Variants in ZFX observed in about 807,000 individuals in gnomAD.
ZFX encodes zinc finger X-chromosomal protein.
For missense variants in ZFX, 362 were observed against 628.3 expected, an observed-to-expected ratio of 0.58 and a Z score of 4.53; for synonymous variants, 196 against 226.8, an observed-to-expected ratio of 0.86 and a Z score of 1.22.
At position 24,189,182 on chromosome X, in the gene ZFX, A is replaced by G. The variant is rs773109667; in HGVS notation, c.646+9412A>G. Reference sequence around the variant, plus strand: ...AGAATTTAGCAGAAACTGATTCATGACATATGTAGGAAGTAGAATTTGGAT... The same window carrying G: ...AGAATTTAGCAGAAACTGATTCATGGCATATGTAGGAAGTAGAATTTGGAT... On this transcript the variant is annotated intron_variant, in intron 5 of 9. Coordinates refer to ENST00000304543, the MANE Select transcript of ZFX (RefSeq NM_003410.4). Among the ~76,000 whole-genome samples, 190 of 112,111 alleles carry G rather than the reference A, an allele frequency of 1.7e-3. 1 individual carries two copies. Among genetic ancestry groups the G allele is most frequent in the Non-Finnish European group, 2.9e-3 (156 of 53,219 alleles).
chrX:24,179,192 G>T lies in ZFX; in HGVS notation c.68G>T (p.Gly23Val), dbSNP rs1361095106. The T allele has an allele frequency of 2.5e-6, 3 of 1,206,864 alleles. No individual in the cohort carries two copies. Among genetic ancestry groups the T allele is most frequent in the Non-Finnish European group, 3.4e-6 (3 of 893,260 alleles). ...NSFFDATGAD[G>V]THMDGDQIVV... ...TAATTTTTTTTTTAAGGAGCTGATG[G>T]TACACACATGGATGGTGATCAAATT... The change falls in exon 5 of 10, where the codon GGT (glycine) becomes GTT (valine). Residue 23 changes from glycine to valine, a missense_variant. By Grantham distance (109) the Gly-to-Val change is moderately radical (BLOSUM62 -3). Transcript: ENST00000304543.
At position 24,160,166 on chromosome X, in the gene ZFX, C is replaced by A. The variant is rs746932688; in HGVS notation, c.-29+7336C>A. On this transcript the variant is annotated intron_variant, in intron 3 of 9. Coordinates refer to ENST00000304543, the MANE Select transcript of ZFX (RefSeq NM_003410.4). ...ATTTTCCTTCTGCTTTATTTGCATT[C>A]ATTCTGACATTTAAAAATGTAAGTT... Among the ~76,000 whole-genome samples, 63 of 109,960 alleles carry A rather than the reference C, an allele frequency of 5.7e-4. No homozygotes were observed. The South Asian group carries it at 0.023, about 40-fold the overall frequency.
At chrX:24,195,544 C>T (rs1255521284) in intron 5 of ZFX, among the ~76,000 whole-genome samples, 11 of 110,831 alleles carry the variant, frequency 9.9e-5, no homozygotes, top group East Asian at 5.7e-4. Context: ...TTAGTAGAGA[C>T]GGGGTTTCAC....
At chrX:24,183,420 A>G (rs187157680) in intron 5 of ZFX, among the ~76,000 whole-genome samples, 1,713 of 111,676 alleles carry the variant, frequency 0.015, 16 homozygotes, top group Middle Eastern at 0.028. Context: ...TCCTGACCTC[A>G]GGTGATCCCA....
chrX:24,195,597 C>T (rs1291811888), intron 5 of ZFX, among the ~76,000 whole-genome samples: 1 of 111,267 alleles, frequency 9.0e-6, no homozygotes, highest in Non-Finnish European at 1.9e-5. Context: ...CCTCATGATC[C>T]GCCCGCCTCG....
intron 5 of ZFX, among the ~76,000 whole-genome samples, chrX:24,198,730 C>T (rs1198347402): frequency 1.8e-5 from 2 of 110,532 alleles, no homozygotes; most frequent in South Asian, 3.8e-4. Context: ...TAAGGTGATA[C>T]GTACTTAGGG....
At chrX:24,194,309 G>A (rs751619911) in intron 5 of ZFX, among the ~76,000 whole-genome samples, 1 of 111,560 alleles carries the variant, frequency 9.0e-6, no homozygotes, top group Non-Finnish European at 1.9e-5. Flanking sequence ...GCAGGTCCTG[G>A]AATAACACGT....
Position 24,179,401 on chromosome X carries a change from A to G in ZFX, c.277A>G (p.Ile93Val), listed in dbSNP as rs1327743040. Residue 93 changes from isoleucine to valine, a missense_variant, in exon 5 of 10, where the codon ATT (isoleucine) becomes GTT (valine). Transcript: ENST00000304543. The part of the protein sequence containing the change: ...EEADVSETVI[I>V]PEQVLDSDVT... ...AGCAGATGTGTCTGAAACGGTCATC[A>G]TTCCTGAGCAAGTGCTGGACTCAGA... The G allele has an allele frequency of 2.5e-6, 3 of 1,212,395 alleles. No individual in the cohort carries two copies. Among genetic ancestry groups the G allele is most frequent in the Admixed American group, 2.2e-5 (1 of 46,104 alleles).
chrX:24,202,845 A>G (rs898636178), intron 5 of ZFX, among the ~76,000 whole-genome samples: 18 of 111,982 alleles, frequency 1.6e-4, no homozygotes, highest in African/African-American at 4.5e-4. Flanking sequence ...CTGATCATCT[A>G]CCATCACCAG....
intron 5 of ZFX, among the ~76,000 whole-genome samples, chrX:24,190,960 G>A (rs1936487859): frequency 8.9e-6 from 1 of 112,041 alleles, no homozygotes; most frequent in Non-Finnish European, 1.9e-5. Context: ...AGCTGTTGCT[G>A]TGGTTATCAT....
intron 5 of ZFX, among the ~76,000 whole-genome samples, chrX:24,185,822 T>C (rs924321974): frequency 1.8e-5 from 2 of 111,008 alleles, no homozygotes; most frequent in Non-Finnish European, 3.8e-5. Flanking sequence ...TCGCAACACT[T>C]TGGGAAGCCG....
chrX:24,203,726 A>G (rs1406965763), intron 5 of ZFX, among the ~76,000 whole-genome samples: 2 of 111,695 alleles, frequency 1.8e-5, no homozygotes, highest in East Asian at 2.8e-4. Context: ...TGAACCATGC[A>G]TTCCCTTACC....
intron 3 of ZFX, among the ~76,000 whole-genome samples, chrX:24,163,219 T>TGG (rs1933553840): frequency 1.3e-5 from 1 of 74,669 alleles, no homozygotes; most frequent in South Asian, 1.4e-3. Context: ...CCAAGGTCTG[T>TGG]GGTGTGTGTG....
chrX:24,178,098 A>AT (rs1449011041), intron 4 of ZFX, among the ~76,000 whole-genome samples: 2 of 105,877 alleles, frequency 1.9e-5, no homozygotes, highest in African/African-American at 6.9e-5. Context: ...CACCCGGATA[A>AT]TTTTTGTATT....
chrX:24,161,256 T>C (rs1204009314), intron 3 of ZFX, among the ~76,000 whole-genome samples: 1 of 112,397 alleles, frequency 8.9e-6, no homozygotes, highest in Non-Finnish European at 1.9e-5. Context: ...ACCATGTTCA[T>C]TGGATTGGAA....
At chrX:24,158,324 C>T (rs756343767) in intron 3 of ZFX, among the ~76,000 whole-genome samples, 1 of 110,383 alleles carries the variant, frequency 9.1e-6, no homozygotes, top group East Asian at 2.9e-4. Context: ...GAGGCCGAGA[C>T]GGGTGGACTT....
In ZFX at chrX:24,190,830, G is replaced by C. The variant is rs1402613398; in HGVS notation, c.646+11060G>C. ...ATACCAGCTCTGCTACTCATTAGCT[G>C]AATGAATTCGGGCAAGTTAACTAAC... On this transcript the variant is annotated intron_variant, in intron 5 of 9. Transcript: ENST00000304543. Among the ~76,000 whole-genome samples the C allele has an allele frequency of 2.7e-5, 3 of 112,470 alleles. No homozygotes were observed. The East Asian group carries it at 8.4e-4, about 31-fold the overall frequency.
At chrX:24,206,069 A>G (rs1569166338) in intron 5 of ZFX, among the ~76,000 whole-genome samples, 2 of 110,467 alleles carry the variant, frequency 1.8e-5, no homozygotes, top group Admixed American at 1.9e-4. Context: ...ATATGTTTAA[A>G]TTCACGTATT....
chrX:24,171,044 T>A (rs761186264), intron 3 of ZFX, among the ~76,000 whole-genome samples: 3 of 112,378 alleles, frequency 2.7e-5, no homozygotes, highest in African/African-American at 9.7e-5. Flanking sequence ...AATTAACATT[T>A]AATGGATATT....
Sources: gnomAD v4.1 joint callset for allele counts (sites outside exome capture counted in the v4.1 genomes callset) on GRCh38, gnomAD v4.1.1 for gene constraint, MANE v1.5 for transcripts, NCBI Gene and HGNC (gene_info 2026-07-23, HGNC 2026-07-21) for gene names.